Variants in ATP8B4 observed in about 807,000 individuals in gnomAD.
ATP8B4 encodes probable phospholipid-transporting ATPase IM.
ATP8B4 carries 133 observed loss-of-function variants against 145.6 expected under a neutral mutation model. That is an observed-to-expected ratio of 0.91 (90% CI 0.79 to 1.05). The LOEUF (loss-of-function observed/expected upper bound fraction) is 1.05, where lower values mean the gene tolerates loss of function less well. ATP8B4 is among the 50% of genes least tolerant of loss of function. The probability of loss-of-function intolerance (pLI) is 0.00; values close to 1 mark genes in which losing one functional copy is unlikely to be tolerated. For synonymous variants in ATP8B4, 507 were observed against 492.9 expected (o/e 1.03, Z -0.38); for missense variants, 1,458 against 1,425.2 (o/e 1.02, Z -0.37).
rs565252840 is a variant in ATP8B4, at chr15:50,129,182, G to GT, written c.-42-22175dup. Among the ~76,000 whole-genome samples, 122 of 151,342 alleles carry GT rather than the reference G, an allele frequency of 8.1e-4. 1 individual carries two copies. In the South Asian group the frequency reaches 0.016, roughly 20 times the overall value. ...TCATGTCCATCACTAAATGCAATCTGTTTTTTTTTCTTGTTATCTTGAGGA... is the reference window on the plus strand; with the variant it reads ...TCATGTCCATCACTAAATGCAATCTGTTTTTTTTTTCTTGTTATCTTGAGGA... On this transcript the variant is annotated intron_variant, in intron 1 of 3. Coordinates refer to the ATP8B4 transcript ENST00000558829.
chr15:50,174,247 A>T (rs1797318), intron 1 of ATP8B4, among the ~76,000 whole-genome samples: 2 of 152,078 alleles, frequency 1.3e-5, no homozygotes, highest in Non-Finnish European at 2.9e-5. Context: ...ACAAGGATGC[A>T]CACTGTCACC....
chr15:50,139,488 C>T (rs1410825615), intron 1 of ATP8B4, among the ~76,000 whole-genome samples: 1 of 152,140 alleles, frequency 6.6e-6, no homozygotes, highest in Non-Finnish European at 1.5e-5. Flanking sequence ...CCAATGCGTG[C>T]AGAGCTTAAA....
intron 20 of ATP8B4, among the ~76,000 whole-genome samples, chr15:49,903,925 T>C (rs2038333495): frequency 1.3e-5 from 2 of 151,222 alleles, no homozygotes; most frequent in African/African-American, 4.9e-5. Context: ...CTGTTGGAAA[T>C]GGATTGAAAC....
chr15:50,131,379 G>A (rs1164688948), intron 1 of ATP8B4, among the ~76,000 whole-genome samples: 1 of 152,138 alleles, frequency 6.6e-6, no homozygotes, highest in African/African-American at 2.4e-5. Context: ...GAAACAGAGA[G>A]GTTAAAGAAC....
intron 1 of ATP8B4, among the ~76,000 whole-genome samples, chr15:50,138,062 T>C (rs1204304549): frequency 6.6e-6 from 1 of 152,190 alleles, no homozygotes; most frequent in Non-Finnish European, 1.5e-5. Context: ...CACATTTTCA[T>C]CCTTCAGCAA....
chr15:49,966,516 G>C (rs1235454620), intron 13 of ATP8B4, among the ~76,000 whole-genome samples: 1 of 152,168 alleles, frequency 6.6e-6, no homozygotes, highest in African/African-American at 2.4e-5. Flanking sequence ...TTCAAACCAG[G>C]CGGAGCCCAC....
intron 1 of ATP8B4, among the ~76,000 whole-genome samples, chr15:50,145,036 C>A (rs1306584296): frequency 7.2e-5 from 11 of 152,162 alleles, no homozygotes; most frequent in Admixed American, 6.5e-4. Flanking sequence ...TTTGCAAGAT[C>A]TATTGAGTTA....
chr15:50,127,323 G>A (rs919584880), intron 1 of ATP8B4, among the ~76,000 whole-genome samples: 4 of 152,200 alleles, frequency 2.6e-5, no homozygotes, highest in Non-Finnish European at 5.9e-5. Flanking sequence ...CCCAGTGTTA[G>A]TATTTGGCTT....
intron 2 of ATP8B4, among the ~76,000 whole-genome samples, chr15:50,098,406 C>A (rs567434735): frequency 2.0e-5 from 3 of 149,068 alleles, no homozygotes; most frequent in Admixed American, 1.4e-4. Flanking sequence ...ATCCTCCGAG[C>A]TCAGTCTCCT....
intron 2 of ATP8B4, among the ~76,000 whole-genome samples, chr15:50,080,539 T>C (rs188801101): frequency 2.0e-5 from 3 of 152,088 alleles, no homozygotes; most frequent in Admixed American, 6.5e-5. Context: ...AAAAGTGTAA[T>C]CAGATCACTA....
intron 6 of ATP8B4, among the ~76,000 whole-genome samples, chr15:50,037,163 T>C (rs1296447747): frequency 1.3e-5 from 2 of 152,194 alleles, no homozygotes; most frequent in Admixed American, 1.3e-4. Context: ...CATTAAAAGA[T>C]ATGCTAGAGT....
At chr15:49,871,485 G>A (rs2046619839) in intron 25 of ATP8B4, among the ~76,000 whole-genome samples, 1 of 152,092 alleles carries the variant, frequency 6.6e-6, no homozygotes, top group Admixed American at 6.5e-5. Context: ...ACTGCATAAT[G>A]GCATCATGAG....
At chr15:50,088,930 T>C (rs1349220845) in intron 2 of ATP8B4, among the ~76,000 whole-genome samples, 1 of 152,214 alleles carries the variant, frequency 6.6e-6, no homozygotes, top group African/African-American at 2.4e-5. Flanking sequence ...TGTGCAGTCT[T>C]ATTTCTGAGT....
intron 13 of ATP8B4, among the ~76,000 whole-genome samples, chr15:49,967,558 A>T (rs1193222871): frequency 6.6e-6 from 1 of 152,178 alleles, no homozygotes; most frequent in African/African-American, 2.4e-5. Context: ...ATAAAGCATG[A>T]AGAAAAGATT....
intron 2 of ATP8B4, among the ~76,000 whole-genome samples, chr15:50,082,704 A>G (rs185828735): frequency 1.0e-3 from 153 of 152,352 alleles, no homozygotes; most frequent in African/African-American, 3.4e-3. Flanking sequence ...CCATAAGTAA[A>G]GATTCATGAC....
At chr15:49,917,653 T>C (rs2039878298) in intron 19 of ATP8B4, among the ~76,000 whole-genome samples, 1 of 152,206 alleles carries the variant, frequency 6.6e-6, no homozygotes, top group Non-Finnish European at 1.5e-5. Context: ...TGGGTAATTC[T>C]TCCTCTAATT....
chr15:49,968,188 C>A (rs903088831), intron 13 of ATP8B4, among the ~76,000 whole-genome samples: 8 of 152,190 alleles, frequency 5.3e-5, no homozygotes, highest in Non-Finnish European at 7.3e-5. Flanking sequence ...ATTGTAAAGA[C>A]CATTGACACT....
chr15:50,002,114 T>C (rs1229039057), intron 8 of ATP8B4, 39 bp downstream of exon 8: 1 of 1,518,546 alleles, frequency 6.6e-7, no homozygotes, highest in South Asian at 1.2e-5. Context: ...TTTAAATAAA[T>C]TAAAAACCAA....
intron 12 of ATP8B4, 100 bp from the exon 13 acceptor site, chr15:49,972,890 G>C: frequency 8.4e-7 from 1 of 1,190,108 alleles, no homozygotes; most frequent in Non-Finnish European, 1.2e-6. Flanking sequence ...GTCTCCAGGG[G>C]TTAGAGGAAA....
Sources: allele counts gnomAD v4.1 joint callset (sites outside exome capture counted in the v4.1 genomes callset), GRCh38; gene constraint gnomAD v4.1.1; transcripts MANE v1.5; gene names NCBI Gene and HGNC (gene_info 2026-07-23, HGNC 2026-07-21).